The following NSMCE2 variants were observed in gnomAD, a reference collection of about 807,000 sequenced individuals.
NSMCE2 encodes E3 SUMO-protein ligase NSE2.
In NSMCE2, 24 loss-of-function variants were observed where a neutral mutation model predicts 23.8. The observed-to-expected ratio is 1.01, with a 90% CI of 0.73 to 1.42. The LOEUF is 1.42. NSMCE2 is among the 40% of genes most tolerant of loss of function. NSMCE2 has a pLI of 0.00. For missense variants in NSMCE2, 284 were observed against 296.5 expected (o/e 0.96, Z 0.31); for synonymous variants, 92 against 94.1 (o/e 0.98, Z 0.13).
At chr8:125,129,167 G>T (rs1262428032) in intron 3 of NSMCE2, among the ~76,000 whole-genome samples, 1 of 152,100 alleles carries the variant, frequency 6.6e-6, no homozygotes, top group Non-Finnish European at 1.5e-5. Flanking sequence ...TTTCTTAGGT[G>T]GGGAGGGAAT....
chr8:125,127,780 A>G (rs1819582992), intron 3 of NSMCE2, among the ~76,000 whole-genome samples: 1 of 152,208 alleles, frequency 6.6e-6, no homozygotes, highest in Non-Finnish European at 1.5e-5. Context: ...TTCAGATTTC[A>G]GATTTTGGAA....
chr8:125,314,644 A>T (rs1829105562), intron 5 of NSMCE2, among the ~76,000 whole-genome samples: 1 of 152,180 alleles, frequency 6.6e-6, no homozygotes, highest in Non-Finnish European at 1.5e-5. Flanking sequence ...AAGCCAGGTG[A>T]TGGTTGTCTA....
chr8:125,277,434 A>G (rs1827497897), intron 5 of NSMCE2, among the ~76,000 whole-genome samples: 1 of 152,206 alleles, frequency 6.6e-6, no homozygotes, highest in African/African-American at 2.4e-5. Flanking sequence ...TGGCTTTAAA[A>G]CACAAAAAGG....
At chr8:125,326,365 C>T (rs1829665150) in intron 5 of NSMCE2, among the ~76,000 whole-genome samples, 1 of 152,090 alleles carries the variant, frequency 6.6e-6, no homozygotes, top group Non-Finnish European at 1.5e-5. Flanking sequence ...AAGGTATTTG[C>T]ATATCTCTTT....
chr8:125,175,567 A>G (rs991779030), intron 4 of NSMCE2, among the ~76,000 whole-genome samples: 2 of 152,168 alleles, frequency 1.3e-5, no homozygotes, highest in African/African-American at 4.8e-5. Context: ...GAGAAAGTCA[A>G]TCTATCTGGG....
chr8:125,114,964 G>A (rs1027351255), intron 3 of NSMCE2, among the ~76,000 whole-genome samples: 1 of 152,086 alleles, frequency 6.6e-6, no homozygotes, highest in Non-Finnish European at 1.5e-5. Flanking sequence ...AGCATTCCTC[G>A]TGTTTCCCTT....
chr8:125,143,098 G>GCACACACA (rs56704513), intron 3 of NSMCE2, among the ~76,000 whole-genome samples: 4 of 148,384 alleles, frequency 2.7e-5, no homozygotes, highest in African/African-American at 9.9e-5. Flanking sequence ...GTGGGTGCAC[G>GCACACACA]CACACACACA....
chr8:125,313,303 G>GC lies in NSMCE2; in HGVS notation c.419-43916_419-43915insC, dbSNP rs1423731854. 1.4e-4 allele frequency among the ~76,000 whole-genome samples: 22 copies of GC among 152,286 alleles called. No homozygotes were observed. In the South Asian group the frequency reaches 1.5e-3, roughly 10 times the overall value. Reference sequence around the variant, plus strand: ...AGAAGGCAGGTATAGCTAGAGCACAGGGGGAGAGTGGTGAGATAAGATCCA... The same window carrying GC: ...AGAAGGCAGGTATAGCTAGAGCACAGCGGGGAGAGTGGTGAGATAAGATCCA... On this transcript the variant is annotated intron_variant, in intron 5 of 7. Transcript: ENST00000287437.
chr8:125,351,835 AC>A (rs1813048597), intron 5 of NSMCE2, among the ~76,000 whole-genome samples: 1 of 151,390 alleles, frequency 6.6e-6, no homozygotes, highest in Non-Finnish European at 1.5e-5. Context: ...ACATGGTGAA[AC>A]CCCCATCTCT....
At chr8:125,215,891 T>C (rs1441383758) in intron 5 of NSMCE2, among the ~76,000 whole-genome samples, 1 of 152,214 alleles carries the variant, frequency 6.6e-6, no homozygotes, top group African/African-American at 2.4e-5. Context: ...AACACCAGCT[T>C]GGGCAACATA....
chr8:125,213,612 C>T (rs1330077357), intron 5 of NSMCE2, among the ~76,000 whole-genome samples: 1 of 137,718 alleles, frequency 7.3e-6, no homozygotes, highest in Non-Finnish European at 1.6e-5. Context: ...TTCCTTTCCT[C>T]TTCTCTTATT....
intron 5 of NSMCE2, among the ~76,000 whole-genome samples, chr8:125,212,315 G>C (rs1053794355): frequency 4.6e-5 from 7 of 152,158 alleles, no homozygotes; most frequent in Non-Finnish European, 1.0e-4. Context: ...ACTCTGCAGA[G>C]CTGGGTGAGT....
intron 5 of NSMCE2, among the ~76,000 whole-genome samples, chr8:125,256,570 C>G (rs1826426720): frequency 6.6e-6 from 1 of 152,074 alleles, no homozygotes; most frequent in Non-Finnish European, 1.5e-5. Context: ...GCCATTGTCA[C>G]AAAATTGCTA....
At chr8:125,188,954 A>C (rs1823228001) in intron 5 of NSMCE2, among the ~76,000 whole-genome samples, 1 of 152,246 alleles carries the variant, frequency 6.6e-6, no homozygotes, top group Non-Finnish European at 1.5e-5. Context: ...AAGAAGACAG[A>C]TGAGAAGTAA....
At chr8:125,103,274 C>T (rs1331511647) in intron 3 of NSMCE2, among the ~76,000 whole-genome samples, 1 of 151,694 alleles carries the variant, frequency 6.6e-6, no homozygotes, top group African/African-American at 2.4e-5. Flanking sequence ...CCACTGCACT[C>T]CAGTCTGGAC....
chr8:125,250,626 C>A (rs909215587), intron 5 of NSMCE2, among the ~76,000 whole-genome samples: 1 of 152,078 alleles, frequency 6.6e-6, no homozygotes, highest in Non-Finnish European at 1.5e-5. Context: ...ATGTCTCTTG[C>A]AGACATTTCT....
intron 5 of NSMCE2, among the ~76,000 whole-genome samples, chr8:125,248,333 A>G (rs531856067): frequency 2.6e-5 from 4 of 152,362 alleles, no homozygotes; most frequent in African/African-American, 7.2e-5. Flanking sequence ...GCATTCAGCA[A>G]AGCATAACAT....
chr8:125,142,265 G>A (rs1175066095), intron 3 of NSMCE2, among the ~76,000 whole-genome samples: 1 of 152,052 alleles, frequency 6.6e-6, no homozygotes, highest in Non-Finnish European at 1.5e-5. Flanking sequence ...TACTGTTATT[G>A]TACCCATTAT....
rs972282576 is a variant in NSMCE2, at chr8:125,117,483, C to T, written c.157+14996C>T. On this transcript the variant is annotated intron_variant, in intron 3 of 7. Coordinates refer to ENST00000287437, the MANE Select transcript of NSMCE2 (RefSeq NM_173685.4). ...GTCTCGATATCTCGATATCCTGATA[C>T]CAGTTAATGCGTTTTCTTTGTTCCA... is the stretch of plus-strand genomic sequence containing the variant. Among the ~76,000 whole-genome samples, 11 of 152,174 alleles carry T rather than the reference C, an allele frequency of 7.2e-5. No individual in the cohort carries two copies. In the East Asian group the frequency reaches 1.5e-3, roughly 21 times the overall value.
Sources: allele counts gnomAD v4.1 joint callset (sites outside exome capture counted in the v4.1 genomes callset), GRCh38; gene constraint gnomAD v4.1.1; transcripts MANE v1.5; gene names NCBI Gene and HGNC (gene_info 2026-07-23, HGNC 2026-07-21).